The following ZRANB1 variants were observed in gnomAD, a reference collection of about 807,000 sequenced individuals.
The protein encoded by ZRANB1 is zinc finger RANBP2-type containing 1.
A neutral mutation model predicts 80.5 loss-of-function variants in ZRANB1; 16 were observed. That is an observed-to-expected ratio of 0.20 (90% CI 0.13 to 0.30). The LOEUF (loss-of-function observed/expected upper bound fraction) is 0.30. Among genes scored for constraint, ZRANB1 ranks in the 10% least tolerant of loss-of-function variants. The pLI, the probability that ZRANB1 is intolerant of heterozygous loss-of-function variation, is 1.00. For synonymous variants in ZRANB1, 291 were observed against 293.1 expected (o/e 0.99, Z 0.07); for missense variants, 576 against 862.6 (o/e 0.67, Z 4.16).
At chr10:124,963,281 A>G (rs899709722) in intron 1 of ZRANB1, among the ~76,000 whole-genome samples, 3 of 151,632 alleles carry the variant, frequency 2.0e-5, no homozygotes, top group African/African-American at 7.3e-5. Flanking sequence ...AAAAAAAAAA[A>G]AAAAAAAATG....
chr10:124,929,003 C>T, the ZRANB1 span, among the ~76,000 whole-genome samples: 2 of 152,060 alleles, frequency 1.3e-5, no homozygotes, highest in African/African-American at 4.8e-5. Context: ...GTAAGTAAGG[C>T]TGGGGAGTTT....
Position 124,943,499 on chromosome 10 carries a change from CTG to C in ZRANB1, c.814+196_814+197del, listed in dbSNP as rs1951553995. Among the ~76,000 whole-genome samples the C allele has an allele frequency of 2.0e-5, 3 of 150,002 alleles. No homozygotes were observed. In the South Asian group the frequency reaches 6.4e-4, roughly 32 times the overall value. On this transcript the variant is annotated intron_variant, in intron 1 of 8. Transcript: ENST00000359653. ...CTCCAGCTTGGGTAACATAGTGAGA[CTG>C]TGTCTCCACGCACATGCAAAAATGT...
the ZRANB1 span, among the ~76,000 whole-genome samples, chr10:124,930,087 A>G: frequency 6.6e-6 from 1 of 152,160 alleles, no homozygotes; most frequent in African/African-American, 2.4e-5. Context: ...CGTGATGTTA[A>G]TGGGTTTTGA....
At chr10:124,957,798 C>G (rs1951698973) in intron 1 of ZRANB1, among the ~76,000 whole-genome samples, 1 of 151,794 alleles carries the variant, frequency 6.6e-6, no homozygotes, top group Non-Finnish European at 1.5e-5. Flanking sequence ...GCAATCTGCG[C>G]TTGCTGCACC....
chr10:124,922,336 A>ATATTTTT, the ZRANB1 span, among the ~76,000 whole-genome samples: 14 of 44,772 alleles, frequency 3.1e-4, no homozygotes, highest in Admixed American at 1.8e-3. Context: ...GTATATATAT[A>ATATTTTT]TTTTTTTTTT....
chr10:124,981,535 G>T, intron 5 of ZRANB1, 174 bp from the exon 6 acceptor site: 1 of 553,674 alleles, frequency 1.8e-6, no homozygotes, highest in Non-Finnish European at 3.0e-6. Flanking sequence ...GTATCTGCTA[G>T]TGGAAGAGGG....
At chr10:124,976,092 G>A (rs751434080) in intron 5 of ZRANB1, among the ~76,000 whole-genome samples, 6 of 152,196 alleles carry the variant, frequency 3.9e-5, no homozygotes, top group Non-Finnish European at 8.8e-5. Flanking sequence ...TGACCTGACT[G>A]GATGTATAAT....
chr10:124,946,418 C>CAA (rs1345969298), intron 1 of ZRANB1: 858 of 63,722 alleles, frequency 0.013, 11 homozygotes, highest in African/African-American at 0.04. Context: ...AACCCTGTCT[C>CAA]AAAAAAAAAA....
the ZRANB1 span, among the ~76,000 whole-genome samples, chr10:124,930,615 G>A: frequency 2.3e-3 from 356 of 152,296 alleles, 1 homozygote; most frequent in African/African-American, 7.5e-3. Flanking sequence ...ATCAAGAGAT[G>A]AAAGTGGTTT....
intron 4 of ZRANB1, 108 bp from the exon 5 acceptor site, chr10:124,974,092 A>T: frequency 9.2e-7 from 1 of 1,089,484 alleles, no homozygotes. Context: ...GTTTATTGGT[A>T]AATTACATAT....
chr10:124,924,260 T>G, the ZRANB1 span, among the ~76,000 whole-genome samples: 17 of 151,950 alleles, frequency 1.1e-4, no homozygotes, highest in Admixed American at 9.8e-4. Flanking sequence ...ATGCGTGATA[T>G]TAATTGGAAT....
intron 1 of ZRANB1, among the ~76,000 whole-genome samples, chr10:124,947,454 C>T (rs929183930): frequency 6.6e-6 from 1 of 152,146 alleles, no homozygotes; most frequent in South Asian, 2.1e-4. Flanking sequence ...TATGAAATTG[C>T]ACTTCAATTT....
At position 124,981,696 on chromosome 10, in the gene ZRANB1, C is replaced by G. The variant is rs375427885; in HGVS notation, c.1428-13C>G. The G allele has an allele frequency of 2.6e-5, 41 of 1,588,336 alleles. No individual in the cohort carries two copies. The African/African-American group carries it at 5.4e-4, about 21-fold the overall frequency. The stretch of plus-strand genomic sequence containing the variant: ...GACTATTTATTTATTTTTTTACTAT[C>G]CTGCTTTTTTAGGTTTTACACACGC... On this transcript the variant is annotated splice_polypyrimidine_tract_variant and intron_variant, in intron 5 of 8. Transcript: ENST00000359653.
At chr10:124,961,643 A>G (rs1951735613) in intron 1 of ZRANB1, among the ~76,000 whole-genome samples, 1 of 152,236 alleles carries the variant, frequency 6.6e-6, no homozygotes, top group Non-Finnish European at 1.5e-5. Flanking sequence ...AGAGCTCAGT[A>G]GTATAGACTA....
At chr10:124,949,658 C>T (rs553065930) in intron 1 of ZRANB1, among the ~76,000 whole-genome samples, 5 of 151,664 alleles carry the variant, frequency 3.3e-5, no homozygotes, top group African/African-American at 7.3e-5. Flanking sequence ...AGTAGCTGGG[C>T]GTACAGGTGT....
intron 2 of ZRANB1, among the ~76,000 whole-genome samples, chr10:124,971,674 G>C (rs1355455581): frequency 6.6e-6 from 1 of 152,156 alleles, no homozygotes; most frequent in East Asian, 1.9e-4. Context: ...CCTGTGATGT[G>C]TCTATGAACA....
At chr10:124,946,438 AAAG>A (rs1176049716) in intron 1 of ZRANB1, 3 of 152,270 alleles carry the variant, frequency 2.0e-5, no homozygotes, top group South Asian at 2.1e-4. Flanking sequence ...AAAAAAAAGA[AAAG>A]AAAAGTGGAA....
intron 1 of ZRANB1, among the ~76,000 whole-genome samples, chr10:124,955,149 C>G (rs992165249): frequency 6.6e-6 from 1 of 151,716 alleles, no homozygotes. Context: ...AAACGAACAA[C>G]CAAAACCCAC....
At chr10:124,925,901 G>T in the ZRANB1 span, among the ~76,000 whole-genome samples, 1 of 152,164 alleles carries the variant, frequency 6.6e-6, no homozygotes, top group Non-Finnish European at 1.5e-5. Context: ...ACATCATAGA[G>T]TCTACTTAGA....
Sources: allele counts gnomAD v4.1 joint callset (sites outside exome capture counted in the v4.1 genomes callset), GRCh38; gene constraint gnomAD v4.1.1; transcripts MANE v1.5; gene names NCBI Gene and HGNC (gene_info 2026-07-23, HGNC 2026-07-21).